Variants in ZNF695 observed in about 807,000 individuals in gnomAD.
ZNF695 encodes zinc finger protein SBZF3.
A neutral mutation model predicts 11.2 loss-of-function variants in ZNF695; 11 were observed. That is an observed-to-expected ratio of 0.98 (90% CI 0.62 to 1.62). The LOEUF (loss-of-function observed/expected upper bound fraction) is 1.62, where lower values mean the gene tolerates loss of function less well. Ranked by LOEUF, ZNF695 falls within the 40% of genes most tolerant of loss-of-function variation. The pLI is 0.00. For missense variants in ZNF695, 559 were observed against 590.5 expected, an observed-to-expected ratio of 0.95 and a Z score of 0.55; for synonymous variants, 190 against 201.4, an observed-to-expected ratio of 0.94 and a Z score of 0.48.
In ZNF695 at chr1:246,999,850, C is replaced by G. The variant is rs531186948; in HGVS notation, c.166+62G>C. 2.6e-5 allele frequency: 39 copies of G among 1,527,116 alleles called. No individual in the cohort carries two copies. In the African/African-American group the frequency reaches 4.8e-4, roughly 19 times the overall value. The allele number at this position is 1,527,116 out of a possible 1,614,324, so 94.6% of individuals were successfully genotyped here. On this transcript the variant is annotated intron_variant, in intron 2 of 3. Coordinates refer to ENST00000339986, the MANE Select transcript of ZNF695 (RefSeq NM_020394.5). The stretch of plus-strand genomic sequence containing the variant: ...TTCTTGAAAGCAGTGATGTGAAACT[C>G]ATTCATGCAAATCAGAAACTCCCAG...
chr1:246,958,764 T>C (rs1668073039), intron 5 of ZNF695, among the ~76,000 whole-genome samples: 1 of 152,140 alleles, frequency 6.6e-6, no homozygotes. Flanking sequence ...TAACGCATGA[T>C]TGTTGTACTT....
intron 5 of ZNF695, among the ~76,000 whole-genome samples, chr1:246,958,752 T>C (rs1357905712): frequency 6.6e-6 from 1 of 152,190 alleles, no homozygotes; most frequent in African/African-American, 2.4e-5. Context: ...TAATACACGA[T>C]GTAACGCATG....
At chr1:247,001,411 AAAAG>A (rs1045641051) in intron 1 of ZNF695, among the ~76,000 whole-genome samples, 4 of 151,812 alleles carry the variant, frequency 2.6e-5, no homozygotes, top group Middle Eastern at 3.2e-3. Context: ...TAAAAAAAAA[AAAAG>A]AAAGAAAGAA....
chr1:246,954,326 AG>A (rs1293161609), intron 5 of ZNF695, among the ~76,000 whole-genome samples: 1 of 152,222 alleles, frequency 6.6e-6, no homozygotes, highest in Non-Finnish European at 1.5e-5. Flanking sequence ...AGCCAAGGAC[AG>A]GAACAGGCAA....
At chr1:246,966,589 A>G (rs1668296639) in intron 5 of ZNF695, among the ~76,000 whole-genome samples, 1 of 152,152 alleles carries the variant, frequency 6.6e-6, no homozygotes, top group Non-Finnish European at 1.5e-5. Flanking sequence ...GTTCAAGACC[A>G]GCCTGGGCAA....
chr1:246,959,013 G>A (rs539960012), intron 5 of ZNF695, among the ~76,000 whole-genome samples: 4 of 151,926 alleles, frequency 2.6e-5, no homozygotes, highest in South Asian at 4.1e-4. Flanking sequence ...TCTTGGCCAG[G>A]TGCGTTGGCT....
chr1:246,953,241 G>A (rs892389039), intron 5 of ZNF695, among the ~76,000 whole-genome samples: 1 of 152,130 alleles, frequency 6.6e-6, no homozygotes, highest in Non-Finnish European at 1.5e-5. Context: ...ATTCATTGAT[G>A]AATTTTGGAA....
rs1356938971 is a variant in ZNF695 at position 246,987,587 on chromosome 1, A to C, written c.928T>G (p.Tyr310Asp). ...ECGKSFKLFP[Y>D]LTQHKRIHSR... ...TGAATTCTCTTGTGTTGAGTAAGGT[A>C]TGGGAACAACTTAAAGGATTTGCCA... is the stretch of plus-strand genomic sequence containing the variant. Residue 310 changes from tyrosine to aspartate, a missense_variant, in exon 4 of 4, where the codon TAC becomes GAC. Physicochemically the swap from Tyr to Asp is radical, Grantham distance 160. Coordinates refer to ENST00000339986, the MANE Select transcript of ZNF695 (RefSeq NM_020394.5). The C allele has an allele frequency of 6.3e-7, 1 of 1,594,326 alleles. No homozygotes were observed. Among genetic ancestry groups the C allele is most frequent in the Admixed American group, 1.8e-5 (1 of 55,864 alleles).
At position 246,986,488 on chromosome 1, in the gene ZNF695, G is replaced by T. The variant is rs1417362248; in HGVS notation, c.*479C>A. ...CTCAGATTTACAGTAATGTCTGAAAGTGTCAGTGACTTAGTGCTTTTTACT... is the reference window on the plus strand; with the variant it reads ...CTCAGATTTACAGTAATGTCTGAAATTGTCAGTGACTTAGTGCTTTTTACT... On this transcript the variant is annotated 3_prime_UTR_variant, in exon 4 of 4. Transcript: ENST00000339986. The T allele has an allele frequency of 1.0e-6, 1 of 987,106 alleles. No homozygotes were observed. The highest frequency in any genetic ancestry group is 1.7e-5 in the African/African-American group (1 of 57,266). The allele number at this position is 987,106 out of a possible 1,614,324, so 61.1% of individuals were successfully genotyped here.
chr1:246,987,871 T>C lies in ZNF695; in HGVS notation c.644A>G (p.Lys215Arg). 1.2e-6 allele frequency: 2 copies of C among 1,608,966 alleles called. No homozygotes were observed. Residue 215 changes from lysine to arginine, a missense_variant, in exon 4 of 4, where the codon AAA becomes AGA. Transcript: ENST00000339986. ...CTCATTAAAGGCTTTGCCACATTTT[T>C]TACATTGGTACGGGTTCTCTCCAAT... ...IHIGENPYQC[K>R]KCGKAFNECS...
Position 247,007,220 on chromosome 1 carries a change from AG to A in ZNF695, c.3+685del, listed in dbSNP as rs371781451. Among the ~76,000 whole-genome samples the A allele has an allele frequency of 3.7e-3, 556 of 152,250 alleles. 5 individuals carry two copies. The highest frequency in any genetic ancestry group is 0.012 in the African/African-American group (506 of 41,544). ...TCAGTTTATTTTTTTAAGAGGAGAA[AG>A]GAGACCGGGCGCGGTGGCTCACGCC... On this transcript the variant is annotated intron_variant, in intron 1 of 3. Coordinates refer to ENST00000339986, the MANE Select transcript of ZNF695 (RefSeq NM_020394.5).
chr1:246,998,863 G>A (rs1669280291), intron 3 of ZNF695, among the ~76,000 whole-genome samples: 1 of 152,086 alleles, frequency 6.6e-6, no homozygotes, highest in Non-Finnish European at 1.5e-5. Flanking sequence ...AGCTACTCGG[G>A]AGACTGAGGC....
At chr1:246,962,231 C>A (rs9887864) in intron 5 of ZNF695, among the ~76,000 whole-genome samples, 7,819 of 152,262 alleles carry the variant, frequency 0.051, 686 homozygotes, top group African/African-American at 0.18. Flanking sequence ...TGGGCTTGCA[C>A]ACGTAGGGAA....
intron 4 of ZNF695, among the ~76,000 whole-genome samples, chr1:246,971,853 G>A (rs767688496): frequency 4.6e-5 from 7 of 151,876 alleles, no homozygotes; most frequent in Non-Finnish European, 1.0e-4. Context: ...GTGGCTTCCC[G>A]CCCACAGTGC....
At chr1:246,976,795 A>G (rs1210449204) in intron 4 of ZNF695, among the ~76,000 whole-genome samples, 2 of 147,196 alleles carry the variant, frequency 1.4e-5, no homozygotes, top group African/African-American at 5.4e-5. Context: ...CTCCGTCTCA[A>G]ATAAATAAAT....
intron 4 of ZNF695, among the ~76,000 whole-genome samples, chr1:246,976,606 A>G (rs374140430): frequency 3.7e-4 from 56 of 151,644 alleles, no homozygotes; most frequent in Middle Eastern, 3.4e-3. Context: ...CATCCTGGCT[A>G]ACACGGTGAA....
intron 5 of ZNF695, among the ~76,000 whole-genome samples, chr1:246,948,550 G>A (rs545808583): frequency 7.9e-5 from 12 of 152,280 alleles, no homozygotes; most frequent in African/African-American, 2.9e-4. Flanking sequence ...GAAGGAAACA[G>A]TACCTTGATT....
Position 246,986,689 on chromosome 1 carries a change from T to G in ZNF695, c.*278A>C. 4 of 1,114,596 alleles carry G rather than the reference T, an allele frequency of 3.6e-6. No homozygotes were observed. Among genetic ancestry groups the G allele is most frequent in the Non-Finnish European group, 3.3e-6 (3 of 912,728 alleles). The allele number at this position is 1,114,596 out of a possible 1,614,324, so 69.0% of individuals were successfully genotyped here. The stretch of plus-strand genomic sequence containing the variant: ...AGGGTTTCTCTCCAATACAAAGTCT[T>G]TGAAATTGAATACAGTTTGAGCAAC... On this transcript the variant is annotated 3_prime_UTR_variant, in exon 4 of 4. Transcript: ENST00000339986.
rs1251890418 is a variant in ZNF695, at chr1:246,999,996, A to T, written c.82T>A (p.Leu28Met). 6.2e-7 allele frequency: 1 copy of T among 1,613,982 alleles called. No homozygotes were observed. Among genetic ancestry groups the T allele is most frequent in the Non-Finnish European group, 8.5e-7 (1 of 1,180,018 alleles). The change falls in exon 2 of 4, where the codon TTG becomes ATG. Residue 28 changes from leucine to methionine, a missense_variant. By Grantham distance (15) the Leu-to-Met change is conservative. Coordinates refer to ENST00000339986, the MANE Select transcript of ZNF695 (RefSeq NM_020394.5). ...TTCTCTAACATCACATCCCTATACA[A>T]ACTCCGCTGAGCTGGGTCCAGGCAT... ...WECLDPAQRS[L>M]YRDVMLENYR...
Sources: allele counts gnomAD v4.1 joint callset (sites outside exome capture counted in the v4.1 genomes callset), GRCh38; gene constraint gnomAD v4.1.1; transcripts MANE v1.5; gene names NCBI Gene and HGNC (gene_info 2026-07-23, HGNC 2026-07-21).